Variants in VASH1 observed in about 807,000 individuals in gnomAD.
The protein encoded by VASH1 is vasohibin 1, also known as tubulinyl-Tyr carboxypeptidase 1.
Under a neutral mutation model 35.0 loss-of-function variants are expected in VASH1, and 16 were observed. That is an observed-to-expected ratio of 0.46 (90% CI 0.31 to 0.70). The LOEUF (loss-of-function observed/expected upper bound fraction) is 0.70. VASH1 is among the 30% of genes least tolerant of loss of function. The probability of loss-of-function intolerance (pLI) is 0.05; values close to 1 mark genes in which losing one functional copy is unlikely to be tolerated. For synonymous variants in VASH1, 214 were observed against 200.9 expected (o/e 1.07, Z -0.55); for missense variants, 505 against 510.7 (o/e 0.99, Z 0.11).
chr14:76,764,687 CT>C (rs35292639), intron 1 of VASH1, among the ~76,000 whole-genome samples: 29,124 of 137,134 alleles, frequency 0.21, 2,828 homozygotes, highest in East Asian at 0.3. Context: ...TATCAGTTAC[CT>C]TTTTTTTTTT....
At chr14:76,776,740 G>A (rs1464753948) in intron 5 of VASH1, among the ~76,000 whole-genome samples, 1 of 152,120 alleles carries the variant, frequency 6.6e-6, no homozygotes, top group South Asian at 2.1e-4. Flanking sequence ...TAGGGAGTTG[G>A]GCTGGGGGCT....
chr14:76,764,479 T>C (rs1474635328), intron 1 of VASH1, among the ~76,000 whole-genome samples: 1 of 152,176 alleles, frequency 6.6e-6, no homozygotes, highest in African/African-American at 2.4e-5. Flanking sequence ...TTGGGAAAAA[T>C]TCTGAAAGCG....
In VASH1 at chr14:76,766,786, G is replaced by A. The variant is rs906555906; in HGVS notation, c.310-3177G>A. Reference sequence around the variant, plus strand: ...GGTAACGTTGCTGGGATTAGCATGTGCGAGGCACACTGATAATGATGACAG... The same window carrying A: ...GGTAACGTTGCTGGGATTAGCATGTACGAGGCACACTGATAATGATGACAG... On this transcript the variant is annotated intron_variant, in intron 1 of 6. Coordinates refer to ENST00000167106, the MANE Select transcript of VASH1 (RefSeq NM_014909.5). Among the ~76,000 whole-genome samples, 3 of 152,172 alleles carry A rather than the reference G, an allele frequency of 2.0e-5. No individual in the cohort carries two copies. The East Asian group carries it at 5.8e-4, about 29-fold the overall frequency.
At position 76,776,223 on chromosome 14, in the gene VASH1, G is replaced by T; in HGVS notation, c.862G>T (p.Asp288Tyr). The change falls in exon 5 of 7, where the codon GAT becomes TAT. Residue 288 changes from aspartate (D) to tyrosine (Y), a missense_variant. Transcript: ENST00000167106. ...GCTGGACGTGGAGCGCCTGGGCCGCGATGACTTCCGCAAGGAGCTGGAGCG... is the reference window on the plus strand; with the variant it reads ...GCTGGACGTGGAGCGCCTGGGCCGCTATGACTTCCGCAAGGAGCTGGAGCG... ...SVLDVERLGR[D>Y]DFRKELERHA... The T allele has an allele frequency of 6.2e-7, 1 of 1,608,408 alleles. No individual in the cohort carries two copies.
At chr14:76,769,400 C>G (rs1328960258) in intron 1 of VASH1, 14 of 1,289,072 alleles carry the variant, frequency 1.1e-5, no homozygotes, top group Admixed American at 4.6e-5. Flanking sequence ...TTCTGGCCTG[C>G]TACCGCTGAC....
chr14:76,776,415 G>T, intron 5 of VASH1, 142 bp downstream of exon 5: 1 of 1,224,544 alleles, frequency 8.2e-7, no homozygotes, highest in Non-Finnish European at 1.1e-6. Context: ...TATTGTTCAG[G>T]TGGTCCCCTG....
At chr14:76,769,460 C>T (rs1192987590) in intron 1 of VASH1, 7 of 1,288,962 alleles carry the variant, frequency 5.4e-6, no homozygotes, top group Non-Finnish European at 6.1e-6. Context: ...GGCGAATATG[C>T]CCATGATACT....
rs540125437 is a variant in VASH1 at position 76,772,368 on chromosome 14, C to T, written c.456-769C>T. On this transcript the variant is annotated intron_variant, in intron 3 of 6. Coordinates refer to ENST00000167106, the MANE Select transcript of VASH1 (RefSeq NM_014909.5). ...TTATTAGCAAAATTACTTAATTACA[C>T]CCTCTCCGAGGCCCTGGATGGAGTC... is the stretch of plus-strand genomic sequence containing the variant. 2.0e-5 allele frequency among the ~76,000 whole-genome samples: 3 copies of T among 152,346 alleles called. No individual in the cohort carries two copies. In the South Asian group the frequency reaches 6.2e-4, roughly 32 times the overall value.
chr14:76,763,469 A>C (rs933029471), intron 1 of VASH1, among the ~76,000 whole-genome samples: 2 of 152,256 alleles, frequency 1.3e-5, no homozygotes, highest in African/African-American at 4.8e-5. Context: ...AACTGTGAGC[A>C]GACAAATGTA....
chr14:76,775,358 G>C (rs888803690), intron 4 of VASH1, among the ~76,000 whole-genome samples: 2 of 152,106 alleles, frequency 1.3e-5, no homozygotes, highest in Non-Finnish European at 2.9e-5. Flanking sequence ...AGAGGTGTAG[G>C]AAGTGGGAGT....
At chr14:76,773,243 G>C in intron 4 of VASH1, 32 bp downstream of exon 4, 1 of 1,606,990 alleles carries the variant, frequency 6.2e-7, no homozygotes, top group Non-Finnish European at 8.5e-7. Context: ...GGAGGGGTCC[G>C]GGCTTCTCTG....
In VASH1 at chr14:76,776,007, G is replaced by A. The variant is rs1390970655; in HGVS notation, c.646G>A (p.Gly216Ser). The A allele has an allele frequency of 3.1e-6, 5 of 1,613,072 alleles. No homozygotes were observed. Among genetic ancestry groups the A allele is most frequent in the Non-Finnish European group, 3.4e-6 (4 of 1,179,842 alleles). The change falls in exon 5 of 7, where the codon GGT (glycine) becomes AGT (serine). Residue 216 changes from glycine to serine, a missense_variant. Gly to Ser is a moderately conservative substitution (Grantham distance 56). Coordinates refer to ENST00000167106, the MANE Select transcript of VASH1 (RefSeq NM_014909.5). ...VLGVNFAGRYGALGMSRREDL... is the reference protein window; with the variant it reads ...VLGVNFAGRYSALGMSRREDL... The stretch of plus-strand genomic sequence containing the variant: ...GGGGGTGAACTTCGCGGGCCGCTAC[G>A]GTGCGCTGGGCATGAGTCGGCGCGA...
rs1307507806 is a variant in VASH1, at chr14:76,779,515, G to A, written c.*497G>A. ...CCTGCCCTGGCAGAATCTTGACCCA[G>A]GGAAAGGGAAGCAGGGTAGGAGTCC... On this transcript the variant is annotated 3_prime_UTR_variant, in exon 7 of 7. Coordinates refer to ENST00000167106, the MANE Select transcript of VASH1 (RefSeq NM_014909.5). 2.9e-6 allele frequency: 2 copies of A among 701,446 alleles called. No homozygotes were observed. The highest frequency in any genetic ancestry group is 5.2e-6 in the Non-Finnish European group (2 of 384,372). 43.5% of individuals were successfully genotyped at this position (701,446 alleles called of 1,614,324 possible).
intron 5 of VASH1, among the ~76,000 whole-genome samples, chr14:76,776,883 T>G (rs1220112942): frequency 6.6e-6 from 1 of 152,168 alleles, no homozygotes; most frequent in Non-Finnish European, 1.5e-5. Flanking sequence ...CAGTCACTGC[T>G]GCACTGTGAC....
chr14:76,778,196 A>T, intron 6 of VASH1, 125 bp downstream of exon 6: 1 of 688,952 alleles, frequency 1.5e-6, no homozygotes, highest in Non-Finnish European at 2.2e-6. Flanking sequence ...CACCCAAGGG[A>T]GGTGACTTGG....
rs1894036741 is a variant in VASH1, at chr14:76,779,325, T to C, written c.*307T>C. ...GGTGGGAAGGCCAGTGCTTAACAAA[T>C]CCATGTGTCATGGGGCCAGGTGAGG... On this transcript the variant is annotated 3_prime_UTR_variant, in exon 7 of 7. Coordinates refer to ENST00000167106, the MANE Select transcript of VASH1 (RefSeq NM_014909.5). 1 of 702,406 alleles carries C rather than the reference T, an allele frequency of 1.4e-6. No homozygotes were observed. The highest frequency in any genetic ancestry group is 2.6e-6 in the Non-Finnish European group (1 of 384,856). The allele number at this position is 702,406 out of a possible 1,614,324, so 43.5% of individuals were successfully genotyped here.
chr14:76,777,641 G>A (rs1893980696), intron 5 of VASH1, among the ~76,000 whole-genome samples: 1 of 152,202 alleles, frequency 6.6e-6, no homozygotes, highest in Non-Finnish European at 1.5e-5. Flanking sequence ...TTCAGTGTGG[G>A]CTGCTCCCAC....
Position 76,780,933 on chromosome 14 carries a change from C to G in VASH1, c.*1915C>G, listed in dbSNP as rs928812788. ...TGCAGCTGAGGAGGAGGAAAAGCCACTGAGTCTCCTCCCAGAGCGGGACAA... is the reference window on the plus strand; with the variant it reads ...TGCAGCTGAGGAGGAGGAAAAGCCAGTGAGTCTCCTCCCAGAGCGGGACAA... On this transcript the variant is annotated 3_prime_UTR_variant, in exon 7 of 7. Coordinates refer to ENST00000167106, the MANE Select transcript of VASH1 (RefSeq NM_014909.5). 1 of 152,376 alleles carries G rather than the reference C, an allele frequency of 6.6e-6. No homozygotes were observed. The highest frequency in any genetic ancestry group is 1.9e-4 in the East Asian group (1 of 5,188). 9.4% of individuals were successfully genotyped at this position (152,376 alleles called of 1,614,324 possible).
chr14:76,776,691 C>T (rs1893955423), intron 5 of VASH1, among the ~76,000 whole-genome samples: 1 of 152,108 alleles, frequency 6.6e-6, no homozygotes, highest in East Asian at 1.9e-4. Context: ...GGGCAGTGTT[C>T]CTTCTTCCTC....
Sources: gnomAD v4.1 joint callset for allele counts (sites outside exome capture counted in the v4.1 genomes callset) on GRCh38, gnomAD v4.1.1 for gene constraint, MANE v1.5 for transcripts, NCBI Gene and HGNC (gene_info 2026-07-23, HGNC 2026-07-21) for gene names.